Variants in ZSCAN25 observed in about 807,000 individuals in gnomAD.
ZSCAN25 encodes zinc finger and SCAN domain containing 25, also known as zinc finger and SCAN domain-containing protein 25.
A neutral mutation model predicts 38.7 loss-of-function variants in ZSCAN25; 27 were observed. The observed-to-expected ratio is 0.70, with a 90% CI of 0.51 to 0.96. The LOEUF (loss-of-function observed/expected upper bound fraction) is 0.96. Among genes scored for constraint, ZSCAN25 ranks in the 40% least tolerant of loss-of-function variants. ZSCAN25 has a pLI of 0.00. For synonymous variants in ZSCAN25, 273 were observed against 277.7 expected (o/e 0.98, Z 0.17); for missense variants, 637 against 705.9 (o/e 0.90, Z 1.11).
chr7:99,705,990 T>A, the ZSCAN25 span, among the ~76,000 whole-genome samples: 4 of 152,198 alleles, frequency 2.6e-5, no homozygotes, highest in Non-Finnish European at 2.9e-5. Context: ...TGTTGAAACT[T>A]GCAAGGTAAT....
chr7:99,630,302 T>G lies in ZSCAN25; in HGVS notation c.*282T>G. On this transcript the variant is annotated 3_prime_UTR_variant, in exon 8 of 8. Transcript: ENST00000394152. ...TTTCTCCTTCAGTGGACTGTCTGTGTCCCCCTGCCGAACAAAGCTGGGAGT... is the reference window on the plus strand; with the variant it reads ...TTTCTCCTTCAGTGGACTGTCTGTGGCCCCCTGCCGAACAAAGCTGGGAGT... The G allele has an allele frequency of 8.2e-7, 1 of 1,218,898 alleles. No homozygotes were observed. Among genetic ancestry groups the G allele is most frequent in the East Asian group, 3.6e-5 (1 of 27,886 alleles). The allele number at this position is 1,218,898 out of a possible 1,614,324, so 75.5% of individuals were successfully genotyped here.
chr7:99,676,511 C>G, the ZSCAN25 span: 1 of 1,379,266 alleles, frequency 7.3e-7, no homozygotes, highest in Non-Finnish European at 9.6e-7. Context: ...GGAATTCTTC[C>G]AGGACACTTC....
At chr7:99,674,561 A>T in the ZSCAN25 span, 2 of 1,613,464 alleles carry the variant, frequency 1.2e-6, no homozygotes, top group African/African-American at 2.7e-5. Context: ...TTTTTATAGC[A>T]CTCTGTGTCA....
the ZSCAN25 span, chr7:99,674,537 A>C: frequency 6.2e-7 from 1 of 1,613,642 alleles, no homozygotes; most frequent in Non-Finnish European, 8.5e-7. Context: ...ACTCACCCCC[A>C]CATTTTTCCA....
the ZSCAN25 span, chr7:99,663,956 A>G: frequency 1.9e-6 from 3 of 1,576,912 alleles, no homozygotes; most frequent in African/African-American, 1.4e-5. Flanking sequence ...TTTAACCACC[A>G]TCAGATTTTA....
the ZSCAN25 span, among the ~76,000 whole-genome samples, chr7:99,703,535 TTATC>T: frequency 1.3e-5 from 2 of 152,202 alleles, no homozygotes; most frequent in South Asian, 4.1e-4. Context: ...CGTATATCTG[TTATC>T]TATCACCTAT....
intron 3 of ZSCAN25, 129 bp from the exon 4 acceptor site, chr7:99,619,432 G>A (rs1047383841): frequency 5.9e-5 from 42 of 710,744 alleles, no homozygotes; most frequent in Non-Finnish European, 8.9e-5. Context: ...CCTGACTTTT[G>A]GGATCTGTGT....
the ZSCAN25 span, chr7:99,722,496 A>C: frequency 2.0e-6 from 2 of 987,984 alleles, no homozygotes; most frequent in Non-Finnish European, 3.0e-6. Context: ...AAGAGAAAGG[A>C]AACAAAATAG....
the ZSCAN25 span, chr7:99,710,970 T>A: frequency 1.9e-6 from 3 of 1,607,330 alleles, no homozygotes; most frequent in Non-Finnish European, 1.7e-6. Flanking sequence ...GAAATCTAAG[T>A]GGAACCTTCA....
chr7:99,647,859 G>A, the ZSCAN25 span: 2 of 984,960 alleles, frequency 2.0e-6, no homozygotes, highest in Non-Finnish European at 2.4e-6. Context: ...TTTTTGTAAA[G>A]GGGATTTTAT....
At chr7:99,659,995 CTGACCCCT>C in the ZSCAN25 span, 1 of 159,896 alleles carries the variant, frequency 6.3e-6, no homozygotes, top group Non-Finnish European at 1.3e-5. Context: ...AGGGAATTCC[CTGACCCCT>C]TGCACTTCCC....
the ZSCAN25 span, among the ~76,000 whole-genome samples, chr7:99,654,692 C>A: frequency 1.9e-3 from 281 of 151,730 alleles, no homozygotes; most frequent in African/African-American, 5.7e-3. Flanking sequence ...GTTTACAGTC[C>A]CACCAACAGT....
chr7:99,629,085 A>G lies in ZSCAN25; in HGVS notation c.806-106A>G. 6.8e-7 allele frequency: 1 copy of G among 1,465,602 alleles called. No individual in the cohort carries two copies. Among genetic ancestry groups the G allele is most frequent in the Non-Finnish European group, 9.1e-7 (1 of 1,097,440 alleles). 90.8% of individuals were successfully genotyped at this position (1,465,602 alleles called of 1,614,324 possible). On this transcript the variant is annotated intron_variant, in intron 7 of 7. Transcript: ENST00000394152. This position sits in a 1 kb window ranked among gnomAD's most constrained non-coding sequence, Gnocchi z 5.6. The stretch of plus-strand genomic sequence containing the variant: ...CTGAGTTGAGGTTGTTGGTCAAAGG[A>G]AAAAAGAGAAGGAACCATGAATGGG...
chr7:99,638,097 C>G, the ZSCAN25 span: 2 of 771,506 alleles, frequency 2.6e-6, no homozygotes, highest in Non-Finnish European at 4.0e-6. Context: ...GACCCCCAAG[C>G]CCTCTCCCCC....
Position 99,631,899 on chromosome 7 carries a change from T to TC in ZSCAN25, c.*1884dup, listed in dbSNP as rs1808030191. ...GTCCACATGCAAAATCAGCTTTTTT[T>TC]CCCCCGTAATTATCAGAGCAGCTAG... is the stretch of plus-strand genomic sequence containing the variant. On this transcript the variant is annotated 3_prime_UTR_variant, in exon 8 of 8. Coordinates refer to ENST00000394152, the MANE Select transcript of ZSCAN25 (RefSeq NM_145115.3). 3.0e-6 allele frequency: 3 copies of TC among 985,482 alleles called. No individual in the cohort carries two copies. The highest frequency in any genetic ancestry group is 3.6e-6 in the Non-Finnish European group (3 of 829,982). The allele number at this position is 985,482 out of a possible 1,614,324, so 61.0% of individuals were successfully genotyped here.
the ZSCAN25 span, among the ~76,000 whole-genome samples, chr7:99,736,758 T>TA: frequency 6.6e-6 from 1 of 152,152 alleles, no homozygotes; most frequent in Non-Finnish European, 1.5e-5. Flanking sequence ...CTCTGGCCCC[T>TA]AAGCCTCCAG....
At chr7:99,663,869 T>C in the ZSCAN25 span, 1 of 1,453,490 alleles carries the variant, frequency 6.9e-7, no homozygotes, top group Non-Finnish European at 9.0e-7. Flanking sequence ...AAGTTCTCTG[T>C]CTTTATTTTT....
At chr7:99,636,491 C>T (rs1369488044), downstream of ZSCAN25, among the ~76,000 whole-genome samples, 1 of 152,128 alleles carries the variant, frequency 6.6e-6, no homozygotes, top group African/African-American at 2.4e-5. Context: ...GGTAAAAGCT[C>T]CATTATACAA....
At chr7:99,634,126 G>T (rs965640640), downstream of ZSCAN25, among the ~76,000 whole-genome samples, 2 of 152,224 alleles carry the variant, frequency 1.3e-5, no homozygotes, top group East Asian at 3.8e-4. Flanking sequence ...GTGCTGCTGG[G>T]TAATGAGGGA....
Sources: gnomAD v4.1 joint callset for allele counts (sites outside exome capture counted in the v4.1 genomes callset) on GRCh38, gnomAD v4.1.1 for gene constraint, Gnocchi (gnomAD v3.1) non-coding constraint, MANE v1.5 for transcripts, NCBI Gene and HGNC (gene_info 2026-07-23, HGNC 2026-07-21) for gene names.